UGT1A6: variants seen among roughly 807,000 people sequenced by gnomAD.
The protein encoded by UGT1A6 is UDP glucuronosyltransferase family 1 member A6, also known as UDP-glucuronosyltransferase 1A6.
A neutral mutation model predicts 44.4 loss-of-function variants in UGT1A6; 32 were observed. The ratio of observed to expected loss-of-function variants is 0.72; its 90% CI spans 0.54 to 0.97. The LOEUF (loss-of-function observed/expected upper bound fraction) is 0.97, where lower values mean the gene tolerates loss of function less well. Among genes scored for constraint, UGT1A6 ranks in the 50% least tolerant of loss-of-function variants. UGT1A6 has a pLI of 0.00. For missense variants in UGT1A6, 685 were observed against 661.9 expected (o/e 1.03, Z -0.38); for synonymous variants, 238 against 248.5 (o/e 0.96, Z 0.40).
chr2:233,730,126 G>T, intron 1 of UGT1A6: 1 of 1,542,516 alleles, frequency 6.5e-7, no homozygotes, highest in Non-Finnish European at 8.7e-7. Flanking sequence ...TGTCATAATA[G>T]CCTTCAGTGA....
intron 1 of UGT1A6, chr2:233,747,332 A>C (rs1559392073): frequency 9.4e-6 from 15 of 1,603,410 alleles, no homozygotes; most frequent in Non-Finnish European, 1.3e-5. Context: ...GATGGCAGCC[A>C]CTGGCTCGCA....
intron 1 of UGT1A6, among the ~76,000 whole-genome samples, chr2:233,715,114 G>A (rs1204303060): frequency 6.6e-6 from 1 of 152,076 alleles, no homozygotes; most frequent in Non-Finnish European, 1.5e-5. Context: ...TCAAATGCCT[G>A]ATCTCAAGTG....
chr2:233,703,554 T>C (rs2075743113), intron 1 of UGT1A6, among the ~76,000 whole-genome samples: 1 of 152,108 alleles, frequency 6.6e-6, no homozygotes, highest in Non-Finnish European at 1.5e-5. Flanking sequence ...TTATTGCTAG[T>C]AATATTTTTT....
chr2:233,718,785 G>T (rs544842461), intron 1 of UGT1A6: 1 of 1,612,968 alleles, frequency 6.2e-7, no homozygotes, highest in South Asian at 1.1e-5. Context: ...GGCACAGCGT[G>T]GGGTGGACAG....
In UGT1A6 at chr2:233,693,544, T is replaced by C. The variant is rs888897254; in HGVS notation, c.540T>C (p.His180=). The C allele has an allele frequency of 1.2e-6, 2 of 1,614,184 alleles. No individual in the cohort carries two copies. Among genetic ancestry groups the C allele is most frequent in the Admixed American group, 3.3e-5 (2 of 60,030 alleles). ...GGGGTTTTCCGTGTTCCCTGGAGCA[T>C]ACATTCAGCAGAAGCCCAGACCCTG... ...LFRGFPCSLE[H]TFSRSPDPVS... is the part of the protein sequence containing the mutation. The change falls in exon 1 of 5, where the codon CAT becomes CAC. Residue 180 remains histidine (H), a synonymous_variant. Transcript: ENST00000305139.
chr2:233,740,112 A>C (rs1691308174), intron 1 of UGT1A6, among the ~76,000 whole-genome samples: 1 of 151,796 alleles, frequency 6.6e-6, no homozygotes, highest in African/African-American at 2.4e-5. Context: ...GCCTTTGCTT[A>C]TCTCTCACCT....
intron 1 of UGT1A6, among the ~76,000 whole-genome samples, chr2:233,745,761 A>G (rs1420009294): frequency 2.7e-5 from 4 of 149,168 alleles, no homozygotes; most frequent in African/African-American, 1.0e-4. Flanking sequence ...GAAGGGGTGG[A>G]GAGGAGGAAT....
intron 1 of UGT1A6, among the ~76,000 whole-genome samples, chr2:233,709,770 T>C (rs1158323937): frequency 1.3e-5 from 2 of 152,254 alleles, no homozygotes; most frequent in Non-Finnish European, 1.5e-5. Flanking sequence ...ATTATTTACA[T>C]GCAATAAAGT....
intron 1 of UGT1A6, among the ~76,000 whole-genome samples, chr2:233,701,868 A>G: frequency 6.6e-6 from 1 of 152,170 alleles, no homozygotes; most frequent in Non-Finnish European, 1.5e-5. Flanking sequence ...AATTTATAGC[A>G]CTAAATGCCC....
At chr2:233,698,234 T>A (rs2125574920) in intron 1 of UGT1A6, among the ~76,000 whole-genome samples, 1 of 152,312 alleles carries the variant, frequency 6.6e-6, no homozygotes, top group South Asian at 2.1e-4. Context: ...ATTAAAGTGA[T>A]CAAAATAGAA....
Position 233,719,499 on chromosome 2 carries a change from T to C in UGT1A6, c.861+25634T>C, listed in dbSNP as rs761613256. The C allele has an allele frequency of 9.3e-6, 15 of 1,613,718 alleles. No homozygotes were observed. Among genetic ancestry groups the C allele is most frequent in the Non-Finnish European group, 8.5e-6 (10 of 1,179,804 alleles). Reference sequence around the variant, plus strand: ...GGCCCTGTCCTACATTTGCCATACTTTTTCTGCCCCTTATGCAAGTCTTGC... The same window carrying C: ...GGCCCTGTCCTACATTTGCCATACTCTTTCTGCCCCTTATGCAAGTCTTGC... On this transcript the variant is annotated intron_variant, in intron 1 of 4. Transcript: ENST00000305139.
chr2:233,727,408 C>T (rs1347746935), intron 1 of UGT1A6, among the ~76,000 whole-genome samples: 2 of 152,116 alleles, frequency 1.3e-5, no homozygotes, highest in Non-Finnish European at 2.9e-5. Flanking sequence ...ACATGGGCCT[C>T]CTCAGGGTCT....
At chr2:233,753,689 A>C (rs1483181557) in intron 1 of UGT1A6, 1 of 152,256 alleles carries the variant, frequency 6.6e-6, no homozygotes, top group African/African-American at 2.4e-5. Flanking sequence ...AAACAATATT[A>C]CAGATGCACT....
At position 233,741,549 on chromosome 2, in the gene UGT1A6, A is replaced by G. The variant is rs1414651717; in HGVS notation, c.862-25485A>G. 1.3e-5 allele frequency: 2 copies of G among 151,888 alleles called. 1 individual carries two copies. The highest frequency in any genetic ancestry group is 4.9e-5 in the African/African-American group (2 of 41,148). 9.4% of individuals were successfully genotyped at this position (151,888 alleles called of 1,614,324 possible). A position where few individuals can be genotyped will look rare whatever the true frequency, so the allele number is the denominator to read the frequency against. ...TCTGTCTTATTCTGATACTTCTTTT[A>G]TGGTTATTGTATGAGAATCAACTAC... On this transcript the variant is annotated intron_variant, in intron 1 of 4. Transcript: ENST00000305139.
intron 1 of UGT1A6, among the ~76,000 whole-genome samples, chr2:233,717,560 C>T (rs2076588368): frequency 6.6e-6 from 1 of 152,246 alleles, no homozygotes; most frequent in Admixed American, 6.5e-5. Flanking sequence ...CAATGGCAGA[C>T]ATGGCCAGGC....
chr2:233,754,969 T>A, intron 1 of UGT1A6: 6 of 1,302,646 alleles, frequency 4.6e-6, no homozygotes, highest in Non-Finnish European at 6.2e-6. Context: ...AAGAACTCCC[T>A]GAAGACCTCG....
At chr2:233,708,644 G>A (rs970833084) in intron 1 of UGT1A6, 4 of 152,176 alleles carry the variant, frequency 2.6e-5, no homozygotes, top group African/African-American at 9.7e-5. Context: ...CTAACTACTC[G>A]GAAGGCTGAG....
chr2:233,706,636 G>T (rs1013671014), intron 1 of UGT1A6, among the ~76,000 whole-genome samples: 1 of 152,178 alleles, frequency 6.6e-6, no homozygotes, highest in Non-Finnish European at 1.5e-5. Flanking sequence ...TGTTTCTACT[G>T]TGTCTGTGCC....
At chr2:233,747,950 G>A in intron 1 of UGT1A6, 1 of 1,613,378 alleles carries the variant, frequency 6.2e-7, no homozygotes, top group Non-Finnish European at 8.5e-7. Flanking sequence ...TGTCAGTGGT[G>A]GATCTTCTCA....
Sources: gnomAD v4.1 joint callset for allele counts (sites outside exome capture counted in the v4.1 genomes callset) on GRCh38, gnomAD v4.1.1 for gene constraint, MANE v1.5 for transcripts, NCBI Gene and HGNC (gene_info 2026-07-23, HGNC 2026-07-21) for gene names.